The following DRICH1 variants were observed in gnomAD, a reference collection of about 807,000 sequenced individuals.
DRICH1 encodes the protein aspartate rich 1.
DRICH1 carries 38 observed loss-of-function variants against 39.5 expected under a neutral mutation model. The ratio of observed to expected loss-of-function variants is 0.96; its 90% CI spans 0.74 to 1.26. The LOEUF (loss-of-function observed/expected upper bound fraction) is 1.26, where lower values mean the gene tolerates loss of function less well. DRICH1 is among the 50% of genes most tolerant of loss of function. DRICH1 has a pLI of 0.00. For synonymous variants in DRICH1, 84 were observed against 99.5 expected (o/e 0.84, Z 0.93); for missense variants, 279 against 270.4 (o/e 1.03, Z -0.22).
At chr22:23,582,880 T>C in the DRICH1 span, among the ~76,000 whole-genome samples, 2 of 152,296 alleles carry the variant, frequency 1.3e-5, no homozygotes, top group Non-Finnish European at 2.9e-5. Flanking sequence ...ATTATTATTA[T>C]TACCAGCTGA....
chr22:23,601,970 G>GGC, the DRICH1 span, among the ~76,000 whole-genome samples: 1 of 149,668 alleles, frequency 6.7e-6, no homozygotes, highest in East Asian at 2.0e-4. Flanking sequence ...GGGAGGCTGA[G>GGC]AGCAGGGGCT....
intron 9 of DRICH1, 142 bp from the exon 10 acceptor site, chr22:23,613,802 C>A (rs1927186652): frequency 1.5e-6 from 1 of 645,280 alleles, no homozygotes; most frequent in Non-Finnish European, 2.7e-6. Context: ...CAAAGACTAG[C>A]ACAGAGGATA....
intron 3 of DRICH1, 35 bp downstream of exon 3, chr22:23,624,848 G>A (rs774299378): frequency 2.5e-6 from 4 of 1,607,584 alleles, no homozygotes; most frequent in Non-Finnish European, 3.4e-6. Flanking sequence ...TAGCAAGTTT[G>A]TTTCTCAGAA....
intron 11 of DRICH1, among the ~76,000 whole-genome samples, chr22:23,609,951 G>A (rs1926945963): frequency 6.6e-6 from 1 of 152,044 alleles, no homozygotes; most frequent in South Asian, 2.1e-4. Context: ...CCTCCTATGT[G>A]GGGCTGCTTT....
At chr22:23,609,318 C>T (rs1336196604) in intron 11 of DRICH1, among the ~76,000 whole-genome samples, 4 of 152,152 alleles carry the variant, frequency 2.6e-5, no homozygotes, top group African/African-American at 4.8e-5. Context: ...TAAAGTGGGG[C>T]GAGTAATTGT....
Position 23,613,322 on chromosome 22 carries a change from G to C in DRICH1, c.652C>G (p.Leu218Val), listed in dbSNP as rs75824255. 6,066 of 1,613,096 alleles carry C rather than the reference G, an allele frequency of 3.8e-3. 207 individuals carry two copies. In the African/African-American group the frequency reaches 0.072, roughly 19 times the overall value. ...ITARIESDLT[L>V]ESLSDEEIHP... The stretch of plus-strand genomic sequence containing the variant: ...ATCTCTTCATCACTTAGACTCTCCA[G>C]CGTCAAGTCTTTAGAAACAAAAACA... The change falls in exon 11 of 12, where the codon CTG becomes GTG. Residue 218 changes from leucine (L) to valine (V), a missense_variant. Coordinates refer to ENST00000317749, the MANE Select transcript of DRICH1 (RefSeq NM_016449.4).
downstream of DRICH1, among the ~76,000 whole-genome samples, chr22:23,605,696 A>G (rs1926688380): frequency 6.6e-6 from 1 of 152,142 alleles, no homozygotes; most frequent in African/African-American, 2.4e-5. Flanking sequence ...GAGGCCAGTG[A>G]GATGCTGGCC....
At chr22:23,619,455 C>T in intron 5 of DRICH1, 62 bp from the exon 6 acceptor site, 1 of 771,476 alleles carries the variant, frequency 1.3e-6, no homozygotes, top group Non-Finnish European at 2.4e-6. Context: ...CTCAAATAAC[C>T]ATGGTAATGT....
At chr22:23,624,363 G>A (rs1231067486) in intron 3 of DRICH1, 1 of 983,170 alleles carries the variant, frequency 1.0e-6, no homozygotes, top group Non-Finnish European at 1.2e-6. Context: ...CAAAAACACA[G>A]GATACTCAAT....
chr22:23,626,266 T>C (rs1249259582), intron 1 of DRICH1, among the ~76,000 whole-genome samples: 1 of 152,120 alleles, frequency 6.6e-6, no homozygotes, highest in African/African-American at 2.4e-5. Flanking sequence ...CATTCCGAAG[T>C]CCCAGAAGAT....
the DRICH1 span, chr22:23,583,742 T>A: frequency 6.6e-6 from 1 of 152,644 alleles, no homozygotes; most frequent in East Asian, 1.9e-4. Context: ...GAGGCCCCAA[T>A]CCAGTCTAGC....
intron 1 of DRICH1, among the ~76,000 whole-genome samples, chr22:23,629,377 G>A (rs534807596): frequency 1.3e-5 from 2 of 152,100 alleles, no homozygotes; most frequent in Non-Finnish European, 2.9e-5. Context: ...TGCATCCATT[G>A]AGTCAGTGGC....
intron 2 of DRICH1, 118 bp downstream of exon 2, chr22:23,625,853 ATCATTAAAAG>A (rs1928029243): frequency 2.7e-6 from 2 of 727,556 alleles, no homozygotes; most frequent in African/African-American, 3.5e-5. Context: ...TTGCAAGACC[ATCATTAAAAG>A]TCTTACTTTT....
At chr22:23,601,137 C>T in the DRICH1 span, among the ~76,000 whole-genome samples, 17 of 142,548 alleles carry the variant, frequency 1.2e-4, no homozygotes, top group East Asian at 4.2e-4. Flanking sequence ...TTTGACCTAA[C>T]GCACGCGCGC....
intron 8 of DRICH1, 35 bp downstream of exon 8, chr22:23,616,818 G>T (rs780265402): frequency 6.2e-7 from 1 of 1,613,236 alleles, no homozygotes; most frequent in Non-Finnish European, 8.5e-7. Flanking sequence ...CAGCAAGTTT[G>T]TTTCTCAGAA....
At chr22:23,614,254 G>T (rs1569088673) in intron 8 of DRICH1, 40 bp from the exon 9 acceptor site, 6 of 1,474,618 alleles carry the variant, frequency 4.1e-6, no homozygotes, top group South Asian at 1.1e-5. Flanking sequence ...ACCGGTGGTT[G>T]GTGACTCTGA....
the DRICH1 span, among the ~76,000 whole-genome samples, chr22:23,582,702 C>G: frequency 6.6e-6 from 1 of 151,950 alleles, no homozygotes; most frequent in African/African-American, 2.4e-5. Flanking sequence ...GGCAGCTGGT[C>G]TACAGGTGCC....
At chr22:23,600,294 A>G in the DRICH1 span, among the ~76,000 whole-genome samples, 1 of 152,064 alleles carries the variant, frequency 6.6e-6, no homozygotes, top group African/African-American at 2.4e-5. Context: ...GTGGGTTGTG[A>G]CCTTCAGGGA....
chr22:23,614,031 T>C (rs1927198301), intron 9 of DRICH1, 104 bp downstream of exon 9: 2 of 780,900 alleles, frequency 2.6e-6, no homozygotes, highest in East Asian at 2.6e-5. Context: ...TAGTGTACAG[T>C]GTACATAATG....
Sources: allele counts gnomAD v4.1 joint callset (sites outside exome capture counted in the v4.1 genomes callset), GRCh38; gene constraint gnomAD v4.1.1; transcripts MANE v1.5; gene names NCBI Gene and HGNC (gene_info 2026-07-23, HGNC 2026-07-21).